Variants in HDAC10 observed in about 807,000 individuals in gnomAD.
HDAC10 encodes the protein histone deacetylase 10.
A neutral mutation model predicts 82.3 loss-of-function variants in HDAC10; 90 were observed. The observed-to-expected ratio is 1.09, with a 90% CI of 0.92 to 1.30. HDAC10 has a LOEUF of 1.30. HDAC10 is among the 50% of genes most tolerant of loss of function. HDAC10 has a pLI of 0.00. For synonymous variants in HDAC10, 456 were observed against 391.7 expected, an observed-to-expected ratio of 1.16 and a Z score of -1.94; for missense variants, 934 against 876.3, an observed-to-expected ratio of 1.07 and a Z score of -0.83.
At position 50,249,371 on chromosome 22, in the gene HDAC10, C is replaced by T. The variant is rs117636118; in HGVS notation, c.647G>A (p.Arg216Gln). 7.9e-3 allele frequency: 12,672 copies of T among 1,612,466 alleles called. 72 individuals are homozygous for T. Among genetic ancestry groups the T allele is most frequent in the Non-Finnish European group, 8.1e-3 (9,579 of 1,179,888 alleles). ...GACAGTGAAGCCGAGGCCCTGTCCC[C>T]GCCCCACTGCGTCTGCATCTGACTC... ...LRESDADAVG[R>Q]GQGLGFTVNL... The change falls in exon 7 of 20, where the codon CGG becomes CAG. Residue 216 changes from arginine to glutamine, a missense_variant. By Grantham distance (43) the Arg-to-Gln change is conservative. Coordinates refer to ENST00000216271, the MANE Select transcript of HDAC10 (RefSeq NM_032019.6). This position sits in a 1 kb window ranked among gnomAD's most constrained non-coding sequence, Gnocchi z 4.4.
chr22:50,245,660 C>T lies in HDAC10; in HGVS notation c.1986+15G>A. 6.2e-7 allele frequency: 1 copy of T among 1,612,598 alleles called. No homozygotes were observed. The highest frequency in any genetic ancestry group is 8.5e-7 in the Non-Finnish European group (1 of 1,179,574). The stretch of plus-strand genomic sequence containing the variant: ...AGGCCCCAGGGCAGGGCCATGCCTC[C>T]GCAGTCAGCCTCACCTGCAACATCT... On this transcript the variant is annotated intron_variant, in intron 19 of 19. Transcript: ENST00000216271.
In HDAC10 at chr22:50,245,948, C is replaced by A; in HGVS notation, c.1795G>T (p.Gly599Trp). The A allele has an allele frequency of 6.3e-7, 1 of 1,599,648 alleles. No homozygotes were observed. Among genetic ancestry groups the A allele is most frequent in the East Asian group, 2.3e-5 (1 of 44,022 alleles). ...GCCAGGACTCGGCCCCCTGCCAGCCCCCGAAGCATTGCAGCCAGGAGTGCA... is the reference window on the plus strand; with the variant it reads ...GCCAGGACTCGGCCCCCTGCCAGCCACCGAAGCATTGCAGCCAGGAGTGCA... ...HAALLAAMLRGLAGGRVLALL... is the reference protein window; with the variant it reads ...HAALLAAMLRWLAGGRVLALL... Residue 599 changes from glycine (G) to tryptophan (W), a missense_variant, in exon 18 of 20, where the codon GGG becomes TGG. Physicochemically the swap from Gly to Trp is radical, Grantham distance 184 (BLOSUM62 -2). Coordinates refer to ENST00000216271, the MANE Select transcript of HDAC10 (RefSeq NM_032019.6).
chr22:50,246,353 CT>C lies in HDAC10; in HGVS notation c.1594del (p.Arg532GlyfsTer19), dbSNP rs1478099345. 1.2e-6 allele frequency: 2 copies of C among 1,612,754 alleles called. No individual in the cohort carries two copies. Among genetic ancestry groups the C allele is most frequent in the Non-Finnish European group, 1.7e-6 (2 of 1,179,964 alleles). On this transcript the variant is annotated frameshift_variant, in exon 17 of 20. Coordinates refer to ENST00000216271, the MANE Select transcript of HDAC10 (RefSeq NM_032019.6). LOFTEE classifies it high-confidence loss of function. ...GGATAGGGCAGCCGCCTCCTTGCCC[CT>C]GATGTTCAGCCACAGACTCCTCCTT... The part of the protein sequence containing the change: ...HDGRSLWLNI[R>X]GKEAAALSMF...
At chr22:50,247,163 A>G in intron 14 of HDAC10, 197 bp from the exon 15 acceptor site, 1 of 474,752 alleles carries the variant, frequency 2.1e-6, no homozygotes, top group South Asian at 3.2e-5. Flanking sequence ...TTAGAGAGGC[A>G]GGGTCTCGTT....
chr22:50,248,778 G>T lies in HDAC10; in HGVS notation c.817-27C>A. ...TGGAACCAGAGCCATGTGTGATGGGGGACCTGGGCCCCAGGACCCCAGAAG... is the reference window on the plus strand; with the variant it reads ...TGGAACCAGAGCCATGTGTGATGGGTGACCTGGGCCCCAGGACCCCAGAAG... On this transcript the variant is annotated intron_variant, in intron 9 of 19. Transcript: ENST00000216271. The surrounding 1 kb of genome is among the most constrained non-coding windows in gnomAD (Gnocchi z 5.4). The T allele has an allele frequency of 6.3e-7, 1 of 1,595,830 alleles. No individual in the cohort carries two copies. The highest frequency in any genetic ancestry group is 8.5e-7 in the Non-Finnish European group (1 of 1,171,440).
intron 2 of HDAC10, 113 bp from the exon 3 acceptor site, chr22:50,250,636 C>T (rs2065066899): frequency 4.5e-6 from 6 of 1,325,434 alleles, no homozygotes; most frequent in African/African-American, 1.4e-5. Context: ...TTCCTCAAGC[C>T]TGTGAGCCCA....
intron 2 of HDAC10, 72 bp downstream of exon 2, chr22:50,250,699 G>A: frequency 3.4e-6 from 5 of 1,451,238 alleles, no homozygotes; most frequent in South Asian, 1.3e-5. Flanking sequence ...GCTCGGGGTA[G>A]GCCCAGGTTC....
At position 50,249,389 on chromosome 22, in the gene HDAC10, T is replaced by G; in HGVS notation, c.629A>C (p.Asp210Ala). Residue 210 changes from aspartate to alanine, a missense_variant, in exon 7 of 20, where the codon GAT (aspartate) becomes GCT (alanine). Asp to Ala is a moderately radical substitution (Grantham distance 126). Transcript: ENST00000216271. This position sits in a 1 kb window ranked among gnomAD's most constrained non-coding sequence, Gnocchi z 4.4. Reference protein sequence around the residue: ...GRFWPFLRESDADAVGRGQGL... With the variant: ...GRFWPFLRESAADAVGRGQGL... Reference sequence around the variant, plus strand: ...CTGTCCCCGCCCCACTGCGTCTGCATCTGACTCTCGCAGGAAAGGCCAGAA... The same window carrying G: ...CTGTCCCCGCCCCACTGCGTCTGCAGCTGACTCTCGCAGGAAAGGCCAGAA... 1.2e-6 allele frequency: 2 copies of G among 1,612,658 alleles called. No individual in the cohort carries two copies. The highest frequency in any genetic ancestry group is 1.7e-6 in the Non-Finnish European group (2 of 1,179,940).
rs145947789 is a variant in HDAC10, at chr22:50,248,022, G to A, written c.1205C>T (p.Pro402Leu). ...ASAPSSLLDQPCLCPAPSVRT... is the reference protein window; with the variant it reads ...ASAPSSLLDQLCLCPAPSVRT... Reference sequence around the variant, plus strand: ...GACAGAGGGTGCGGGGCAGAGGCACGGCTGGTCCAGGAGGGAGCTCGGTGC... The same window carrying A: ...GACAGAGGGTGCGGGGCAGAGGCACAGCTGGTCCAGGAGGGAGCTCGGTGC... Residue 402 changes from proline (P) to leucine (L), a missense_variant, in exon 13 of 20, where the codon CCG becomes CTG. Transcript: ENST00000216271. The surrounding 1 kb of genome is among the most constrained non-coding windows in gnomAD (Gnocchi z 5.4). The A allele has an allele frequency of 2.0e-5, 32 of 1,612,520 alleles. 1 individual carries two copies. Among genetic ancestry groups the A allele is most frequent in the South Asian group, 3.3e-5 (3 of 91,048 alleles).
In HDAC10 at chr22:50,251,044, G is replaced by C. The variant is rs777748569; in HGVS notation, c.-12C>G. 3 of 1,607,270 alleles carry C rather than the reference G, an allele frequency of 1.9e-6. No individual in the cohort carries two copies. In the East Asian group the frequency reaches 6.7e-5, roughly 36 times the overall value. Reference sequence around the variant, plus strand: ...AGCGCGGTCCCCATGGCTGCGCCGTGGTCACCCTGGGTTCCCAAACGCCCT... The same window carrying C: ...AGCGCGGTCCCCATGGCTGCGCCGTCGTCACCCTGGGTTCCCAAACGCCCT... On this transcript the variant is annotated 5_prime_UTR_variant, in exon 1 of 20. Transcript: ENST00000216271.
At position 50,249,832 on chromosome 22, in the gene HDAC10, A is replaced by AC. The variant is rs753571869; in HGVS notation, c.494+27dup. 7 of 1,605,106 alleles carry AC rather than the reference A, an allele frequency of 4.4e-6. No homozygotes were observed. The highest frequency in any genetic ancestry group is 2.2e-5 in the East Asian group (1 of 44,744). The stretch of plus-strand genomic sequence containing the variant: ...GCCCCTTGCTGTGTGGCCTGGGCCC[A>AC]CCCCCCTGCAGCCAGCCTGGCACAC... On this transcript the variant is annotated intron_variant, in intron 5 of 19. Transcript: ENST00000216271. This position sits in a 1 kb window ranked among gnomAD's most constrained non-coding sequence, Gnocchi z 4.4.
Position 50,249,803 on chromosome 22 carries a change from C to T in HDAC10, c.494+57G>A, listed in dbSNP as rs1028918151. ...GCTGGCTGGGTTCTCTCGCCTCCTG[C>T]GCTGCCCCTTGCTGTGTGGCCTGGG... On this transcript the variant is annotated intron_variant, in intron 5 of 19. Transcript: ENST00000216271. This position sits in a 1 kb window ranked among gnomAD's most constrained non-coding sequence, Gnocchi z 4.4. 77 of 1,600,286 alleles carry T rather than the reference C, an allele frequency of 4.8e-5. No homozygotes were observed. Among genetic ancestry groups the T allele is most frequent in the Admixed American group, 1.2e-4 (7 of 59,306 alleles).
intron 14 of HDAC10, chr22:50,247,327 C>T: frequency 3.2e-6 from 1 of 307,728 alleles, no homozygotes; most frequent in Non-Finnish European, 6.0e-6. Context: ...AAGACAGGGT[C>T]TCCATATGTT....
At position 50,251,224 on chromosome 22, in the gene HDAC10, A is replaced by G; in HGVS notation, c.-192T>C. On this transcript the variant is annotated 5_prime_UTR_variant, in exon 1 of 20. Coordinates refer to ENST00000216271, the MANE Select transcript of HDAC10 (RefSeq NM_032019.6). Reference sequence around the variant, plus strand: ...CCGGGATCCCAGGCGCGCAGAAGGCACGGAGCGAGGCTGCAGTCGAAGGGG... The same window carrying G: ...CCGGGATCCCAGGCGCGCAGAAGGCGCGGAGCGAGGCTGCAGTCGAAGGGG... 1 of 581,250 alleles carries G rather than the reference A, an allele frequency of 1.7e-6. No homozygotes were observed. The allele number at this position is 581,250 out of a possible 1,614,324, so 36.0% of individuals were successfully genotyped here.
Position 50,248,855 on chromosome 22 carries a change from A to C in HDAC10, c.792T>G (p.Phe264Leu). ...DPELVLVSAG[F>L]DSAIGDPEGQ... The stretch of plus-strand genomic sequence containing the variant: ...CCTCAGGGTCCCCGATGGCTGAGTC[A>C]AATCCTGCCGAGACCAGCACCAGCT... Residue 264 changes from phenylalanine to leucine, a missense_variant, in exon 9 of 20, where the codon TTT (phenylalanine) becomes TTG (leucine). By Grantham distance (22) the Phe-to-Leu change is conservative (BLOSUM62 0). Coordinates refer to ENST00000216271, the MANE Select transcript of HDAC10 (RefSeq NM_032019.6). The surrounding 1 kb of genome is among the most constrained non-coding windows in gnomAD (Gnocchi z 5.4). 1 of 1,611,548 alleles carries C rather than the reference A, an allele frequency of 6.2e-7. No individual in the cohort carries two copies. Among genetic ancestry groups the C allele is most frequent in the Non-Finnish European group, 8.5e-7 (1 of 1,179,464 alleles).
intron 16 of HDAC10, 70 bp from the exon 17 acceptor site, chr22:50,246,446 G>T: frequency 1.5e-6 from 2 of 1,352,480 alleles, no homozygotes; most frequent in South Asian, 1.2e-5. Flanking sequence ...AGAGGCAGAG[G>T]TGGAAGAGCA....
At position 50,249,429 on chromosome 22, in the gene HDAC10, A is replaced by G. The variant is rs1175478459; in HGVS notation, c.589T>C (p.Tyr197His). The change falls in exon 7 of 20, where the codon TAT becomes CAT. Residue 197 changes from tyrosine (Y) to histidine (H), a missense_variant. Coordinates refer to ENST00000216271, the MANE Select transcript of HDAC10 (RefSeq NM_032019.6). This position sits in a 1 kb window ranked among gnomAD's most constrained non-coding sequence, Gnocchi z 4.4. ...PSVLYFSWHR[Y>H]EHGRFWPFLR... Reference sequence around the variant, plus strand: ...AAAGGCCAGAAGCGCCCATGCTCATAGCGGTGCCAGGAGAAGTAAAGGACG... The same window carrying G: ...AAAGGCCAGAAGCGCCCATGCTCATGGCGGTGCCAGGAGAAGTAAAGGACG... 3 of 1,612,556 alleles carry G rather than the reference A, an allele frequency of 1.9e-6. No individual in the cohort carries two copies. The highest frequency in any genetic ancestry group is 2.5e-6 in the Non-Finnish European group (3 of 1,179,936).
chr22:50,248,706 G>A lies in HDAC10; in HGVS notation c.862C>T (p.Leu288=). ...TPECFAHLTQ[L]LQVLAGGRVC... ...CGGCCGCCGGCCAGCACCTGCAGCA[G>A]CTGTGTGAGGTGGGCGAAGCACTCT... The change falls in exon 10 of 20, where the codon CTG becomes TTG. Residue 288 remains leucine (L), a synonymous_variant. Transcript: ENST00000216271. This position sits in a 1 kb window ranked among gnomAD's most constrained non-coding sequence, Gnocchi z 5.4. The A allele has an allele frequency of 6.4e-7, 1 of 1,555,468 alleles. No homozygotes were observed. The highest frequency in any genetic ancestry group is 1.2e-5 in the South Asian group (1 of 83,710).
In HDAC10 at chr22:50,246,895, G is replaced by C; in HGVS notation, c.1494C>G (p.Gly498=). Residue 498 remains glycine, a synonymous_variant, in exon 15 of 20, where the codon GGC becomes GGG. Transcript: ENST00000216271. ...CTTACCTCTGGGCTCCGTGGGACAG[G>C]CCTCTCCGAACAGCCACATCCAGGG... ...AATLDVAVRR[G]LSHGAQRLLC... is the part of the protein sequence containing the mutation. The C allele has an allele frequency of 6.2e-7, 1 of 1,612,182 alleles. No individual in the cohort carries two copies.
Sources: allele counts gnomAD v4.1 joint callset, GRCh38; gene constraint gnomAD v4.1.1; non-coding constraint Gnocchi (gnomAD v3.1); transcripts MANE v1.5; gene names NCBI Gene and HGNC (gene_info 2026-07-23, HGNC 2026-07-21).